The following ZNF385B variants were observed in gnomAD, a reference collection of about 807,000 sequenced individuals.
The protein encoded by ZNF385B is zinc finger protein 533.
In ZNF385B, 23 loss-of-function variants were observed where a neutral mutation model predicts 39.2. The observed-to-expected ratio is 0.59, with a 90% CI of 0.42 to 0.83. The LOEUF (loss-of-function observed/expected upper bound fraction) is 0.83. ZNF385B is among the 40% of genes least tolerant of loss of function. The probability of loss-of-function intolerance (pLI) is 0.00; values close to 1 mark genes in which losing one functional copy is unlikely to be tolerated. For synonymous variants in ZNF385B, 205 were observed against 222.6 expected, an observed-to-expected ratio of 0.92 and a Z score of 0.70; for missense variants, 552 against 598.9, an observed-to-expected ratio of 0.92 and a Z score of 0.82.
At chr2:179,631,703 C>T (rs369808598) in intron 3 of ZNF385B, among the ~76,000 whole-genome samples, 1 of 151,872 alleles carries the variant, frequency 6.6e-6, no homozygotes, top group Non-Finnish European at 1.5e-5. Flanking sequence ...GGCTAAATGC[C>T]CCAATTAAAA....
chr2:179,770,317 A>G (rs2106505413), intron 2 of ZNF385B, among the ~76,000 whole-genome samples: 1 of 152,332 alleles, frequency 6.6e-6, no homozygotes, highest in Admixed American at 6.5e-5. Context: ...CCTTAGGCCT[A>G]CAACTGCACC....
At chr2:179,479,208 A>G (rs2053730572) in intron 6 of ZNF385B, among the ~76,000 whole-genome samples, 1 of 152,230 alleles carries the variant, frequency 6.6e-6, no homozygotes, top group African/African-American at 2.4e-5. Context: ...TTAATGAAAT[A>G]TATCTAATTT....
intron 5 of ZNF385B, among the ~76,000 whole-genome samples, chr2:179,506,346 T>C (rs2105754432): frequency 6.6e-6 from 1 of 152,294 alleles, no homozygotes; most frequent in African/African-American, 2.4e-5. Flanking sequence ...GTGTATTAAC[T>C]TATTTGGTAA....
At chr2:179,726,869 A>G (rs764813265) in intron 3 of ZNF385B, among the ~76,000 whole-genome samples, 15 of 152,122 alleles carry the variant, frequency 9.9e-5, no homozygotes, top group Non-Finnish European at 1.9e-4. Context: ...TATTTGAAGC[A>G]TGAGATAAAA....
At chr2:179,808,126 A>G (rs551548274) in intron 1 of ZNF385B, among the ~76,000 whole-genome samples, 18 of 151,796 alleles carry the variant, frequency 1.2e-4, no homozygotes, top group Admixed American at 2.6e-4. Flanking sequence ...TCCGCCTCCC[A>G]GGTTCACGCC....
At chr2:179,696,326 C>CATTTTTTTTTTTTTTT (rs1698741710) in intron 3 of ZNF385B, among the ~76,000 whole-genome samples, 1 of 40,354 alleles carries the variant, frequency 2.5e-5, no homozygotes, top group Non-Finnish European at 4.1e-5. Context: ...CAAACTGGGA[C>CATTTTTTTTTTTTTTT]TTTTTTTTTT....
chr2:179,770,161 C>T lies in ZNF385B; in HGVS notation c.-2-359G>A, dbSNP rs564680394. 5.3e-5 allele frequency among the ~76,000 whole-genome samples: 8 copies of T among 152,232 alleles called. No individual in the cohort carries two copies. In the East Asian group the frequency reaches 1.5e-3, roughly 29 times the overall value. ...ACCCTTTCTGACCCTGGACACAAGG[C>T]AAGATCTGGTTATATGCTCACATAG... On this transcript the variant is annotated intron_variant, in intron 2 of 9. Transcript: ENST00000410066.
intron 6 of ZNF385B, among the ~76,000 whole-genome samples, chr2:179,469,300 T>C (rs1428777943): frequency 1.3e-5 from 2 of 152,176 alleles, no homozygotes; most frequent in East Asian, 3.8e-4. Flanking sequence ...ACTAAAAAAA[T>C]TAAATCGCAA....
intron 1 of ZNF385B, among the ~76,000 whole-genome samples, chr2:179,794,657 C>T (rs560464158): frequency 3.3e-5 from 5 of 152,232 alleles, no homozygotes; most frequent in South Asian, 2.1e-4. Flanking sequence ...ACATAAGATA[C>T]GGTCTTGAGA....
At chr2:179,590,779 G>A (rs927414972) in intron 3 of ZNF385B, among the ~76,000 whole-genome samples, 1 of 152,006 alleles carries the variant, frequency 6.6e-6, no homozygotes, top group Non-Finnish European at 1.5e-5. Context: ...TTTCCTTTGC[G>A]CTCCCTCTCT....
intron 5 of ZNF385B, among the ~76,000 whole-genome samples, chr2:179,514,601 A>G (rs903750524): frequency 9.9e-5 from 15 of 152,218 alleles, no homozygotes; most frequent in African/African-American, 2.9e-4. Context: ...TGTCAATAGT[A>G]TGCTACCATT....
At chr2:179,634,680 T>G (rs1322995093) in intron 3 of ZNF385B, among the ~76,000 whole-genome samples, 1 of 152,178 alleles carries the variant, frequency 6.6e-6, no homozygotes, top group African/African-American at 2.4e-5. Context: ...AAATACCATT[T>G]GACCCAGCAA....
chr2:179,470,578 T>C (rs567611989), intron 6 of ZNF385B, among the ~76,000 whole-genome samples: 6 of 152,262 alleles, frequency 3.9e-5, no homozygotes, highest in African/African-American at 1.4e-4. Context: ...GGTGAGAATT[T>C]CTTACCAGTC....
chr2:179,685,666 C>T lies in ZNF385B; in HGVS notation c.298+83837G>A, dbSNP rs968218383. On this transcript the variant is annotated intron_variant, in intron 3 of 9. Coordinates refer to ENST00000410066, the MANE Select transcript of ZNF385B (RefSeq NM_152520.6). The stretch of plus-strand genomic sequence containing the variant: ...ATTGATAAATGCTACATTTTAAGTG[C>T]CCAGCACAGGGCCTGACACAGAAAG... 4.4e-4 allele frequency among the ~76,000 whole-genome samples: 66 copies of T among 150,674 alleles called. 1 individual carries two copies. Among genetic ancestry groups the T allele is most frequent in the South Asian group, 2.1e-4 (1 of 4,718 alleles).
intron 3 of ZNF385B, among the ~76,000 whole-genome samples, chr2:179,655,251 A>T (rs1448983320): frequency 1.3e-5 from 2 of 152,164 alleles, no homozygotes; most frequent in Admixed American, 1.3e-4. Context: ...CATGGAGAAT[A>T]CTACTCTACA....
intron 3 of ZNF385B, among the ~76,000 whole-genome samples, chr2:179,747,214 T>C (rs1307464161): frequency 6.6e-6 from 1 of 152,146 alleles, no homozygotes; most frequent in Non-Finnish European, 1.5e-5. Flanking sequence ...CACAGCATTC[T>C]GGAGCAACAT....
intron 1 of ZNF385B, among the ~76,000 whole-genome samples, chr2:179,790,479 A>T (rs1459971736): frequency 2.0e-5 from 3 of 152,192 alleles, no homozygotes; most frequent in Non-Finnish European, 4.4e-5. Flanking sequence ...CATTTGTGTA[A>T]TTGATGGAAT....
intron 3 of ZNF385B, among the ~76,000 whole-genome samples, chr2:179,663,111 T>C (rs936745401): frequency 4.6e-5 from 7 of 152,234 alleles, no homozygotes; most frequent in Non-Finnish European, 7.3e-5. Flanking sequence ...TTCTGTAATA[T>C]TGACGGTGTG....
chr2:179,571,190 C>T (rs1303405230), intron 3 of ZNF385B, among the ~76,000 whole-genome samples: 3 of 152,158 alleles, frequency 2.0e-5, no homozygotes, highest in Non-Finnish European at 4.4e-5. Flanking sequence ...CTTAACTGGA[C>T]AAAGTCTTTG....
Sources: gnomAD v4.1 joint callset for allele counts (sites outside exome capture counted in the v4.1 genomes callset) on GRCh38, gnomAD v4.1.1 for gene constraint, MANE v1.5 for transcripts, NCBI Gene and HGNC (gene_info 2026-07-23, HGNC 2026-07-21) for gene names.